The following ERAP1 variants were observed in gnomAD, a reference collection of about 807,000 sequenced individuals.
ERAP1 encodes the protein adipocyte-derived leucine aminopeptidase.
A neutral mutation model predicts 103.7 loss-of-function variants in ERAP1; 86 were observed. That is an observed-to-expected ratio of 0.83 (90% CI 0.70 to 0.99). ERAP1 has a LOEUF of 0.99. Among genes scored for constraint, ERAP1 ranks in the 50% least tolerant of loss-of-function variants. The probability of loss-of-function intolerance (pLI) is 0.00; values close to 1 mark genes in which losing one functional copy is unlikely to be tolerated. For synonymous variants in ERAP1, 398 were observed against 402.4 expected (o/e 0.99, Z 0.13); for missense variants, 1,009 against 1,128.4 (o/e 0.89, Z 1.52).
chr5:96,883,221 C>T, the ERAP1 span, among the ~76,000 whole-genome samples: 1 of 152,278 alleles, frequency 6.6e-6, no homozygotes, highest in South Asian at 2.1e-4. Flanking sequence ...CAGGCTGATG[C>T]TGGGACTTTG....
chr5:96,767,778 TA>T, intron 19 of ERAP1: 1 of 645,266 alleles, frequency 1.5e-6, no homozygotes, highest in Non-Finnish European at 2.8e-6. Flanking sequence ...ACATTATTAT[TA>T]ATAAAGAATG....
chr5:96,854,869 C>T, the ERAP1 span, among the ~76,000 whole-genome samples: 4 of 152,064 alleles, frequency 2.6e-5, no homozygotes, highest in Non-Finnish European at 5.9e-5. Context: ...CCAAGGGTAG[C>T]CTTTTTAATC....
At chr5:96,864,053 A>G in the ERAP1 span, among the ~76,000 whole-genome samples, 3 of 152,288 alleles carry the variant, frequency 2.0e-5, no homozygotes, top group Non-Finnish European at 2.9e-5. Context: ...GATGTTTCTA[A>G]AGGTGGGTAC....
chr5:96,905,940 T>C, the ERAP1 span, among the ~76,000 whole-genome samples: 1 of 119,328 alleles, frequency 8.4e-6, no homozygotes, highest in Non-Finnish European at 1.7e-5. Flanking sequence ...TTTTTTTCTT[T>C]TTAATTTTTT....
In ERAP1 at chr5:96,803,707, G is replaced by C; in HGVS notation, c.220C>G (p.Leu74Val). 6.2e-7 allele frequency: 1 copy of C among 1,614,222 alleles called. No homozygotes were observed. Among genetic ancestry groups the C allele is most frequent in the Non-Finnish European group, 8.5e-7 (1 of 1,180,042 alleles). Residue 74 changes from leucine (L) to valine (V), a missense_variant, in exon 2 of 19, where the codon CTG (leucine) becomes GTG (valine). Physicochemically the swap from Leu to Val is conservative, Grantham distance 32. Around this residue, in one of 3 missense-constraint regions of ERAP1, gnomAD observed 392 missense variants for 455.2 expected, o/e 0.86. Transcript: ENST00000443439. ...ACTTTCGTGGTTCCCCAGAAGGTCA[G>C]CGTGGTAAGGTTTGCATGGATCAAG... ...DLLIHANLTT[L>V]TFWGTTKVEI...
chr5:96,931,988 A>G, the ERAP1 span, among the ~76,000 whole-genome samples: 9 of 152,242 alleles, frequency 5.9e-5, no homozygotes, highest in Admixed American at 5.9e-4. Context: ...AGGAATCTGA[A>G]CTAGTATATC....
At chr5:96,856,694 G>T in the ERAP1 span, among the ~76,000 whole-genome samples, 3 of 152,146 alleles carry the variant, frequency 2.0e-5, no homozygotes, top group East Asian at 5.8e-4. Flanking sequence ...TCCCTGACTG[G>T]CCCCTGCAAT....
At chr5:96,898,424 T>A in the ERAP1 span, among the ~76,000 whole-genome samples, 1 of 151,898 alleles carries the variant, frequency 6.6e-6, no homozygotes, top group African/African-American at 2.4e-5. Context: ...TGAGACATAT[T>A]CAAATACATA....
the ERAP1 span, among the ~76,000 whole-genome samples, chr5:96,829,095 C>G: frequency 2.6e-5 from 4 of 152,236 alleles, no homozygotes; most frequent in African/African-American, 4.8e-5. Context: ...ATCCGCCCGC[C>G]TCGGCCTCCC....
At chr5:96,922,407 C>T in the ERAP1 span, among the ~76,000 whole-genome samples, 1 of 152,180 alleles carries the variant, frequency 6.6e-6, no homozygotes, top group African/African-American at 2.4e-5. Flanking sequence ...AGAAAGAACA[C>T]TCTTTTAAAA....
At position 96,774,956 on chromosome 5, in the gene ERAP1, C is replaced by CCTT. The variant is rs35416079; in HGVS notation, c.*1437_*1439dup. ...ATATTCCCTTATCTTGAAGTTTTTGCCTTATATTCAAAAAGTTCAGTTTGA... is the reference window on the plus strand; with the variant it reads ...ATATTCCCTTATCTTGAAGTTTTTGCCTTCTTATATTCAAAAAGTTCAGTTTGA... On this transcript the variant is annotated 3_prime_UTR_variant, in exon 19 of 19. Coordinates refer to ENST00000443439, the MANE Select transcript of ERAP1 (RefSeq NM_001040458.3). 114,932 of 985,144 alleles carry CCTT rather than the reference C, an allele frequency of 0.12. 7,116 individuals are homozygous for CCTT. The highest frequency in any genetic ancestry group is 0.13 in the Middle Eastern group (248 of 1,914). 61.0% of individuals were successfully genotyped at this position (985,144 alleles called of 1,614,324 possible).
chr5:96,873,006 T>C, the ERAP1 span, among the ~76,000 whole-genome samples: 3 of 152,106 alleles, frequency 2.0e-5, no homozygotes, highest in Non-Finnish European at 4.4e-5. Flanking sequence ...CTGACCAACA[T>C]GGTGAAACCC....
At chr5:96,913,399 A>AT in the ERAP1 span, 1 of 1,614,158 alleles carries the variant, frequency 6.2e-7, no homozygotes, top group South Asian at 1.1e-5. Context: ...CAGACGTCCA[A>AT]AGGGGCAGCA....
At chr5:96,896,353 A>G in the ERAP1 span, 1 of 1,592,376 alleles carries the variant, frequency 6.3e-7, no homozygotes, top group Non-Finnish European at 8.6e-7. Context: ...CTAAAACTAA[A>G]CATTTTTCTC....
the ERAP1 span, chr5:96,895,392 G>T: frequency 7.4e-7 from 1 of 1,347,502 alleles, no homozygotes. Flanking sequence ...CATACTATAT[G>T]GTGTAAAGAA....
At chr5:96,876,145 A>G in the ERAP1 span, 3 of 152,654 alleles carry the variant, frequency 2.0e-5, no homozygotes, top group African/African-American at 7.2e-5. Flanking sequence ...ATTTCATAGC[A>G]CTGAGGATGC....
chr5:96,856,023 A>C, the ERAP1 span, among the ~76,000 whole-genome samples: 1 of 151,886 alleles, frequency 6.6e-6, no homozygotes, highest in South Asian at 2.1e-4. Flanking sequence ...CTTTCCTATA[A>C]ATATATTTTG....
the ERAP1 span, among the ~76,000 whole-genome samples, chr5:96,922,899 C>T: frequency 3.4e-4 from 52 of 152,332 alleles, 1 homozygote; most frequent in Admixed American, 9.8e-4. Flanking sequence ...TTAGGTAGGA[C>T]GAGCATATTA....
the ERAP1 span, among the ~76,000 whole-genome samples, chr5:96,922,500 C>T: frequency 6.6e-6 from 1 of 152,104 alleles, no homozygotes; most frequent in Non-Finnish European, 1.5e-5. Flanking sequence ...CTATTCATAT[C>T]TTCAGATGTA....
Sources: allele counts gnomAD v4.1 joint callset (sites outside exome capture counted in the v4.1 genomes callset), GRCh38; gene constraint gnomAD v4.1.1; regional missense constraint gnomAD v4.1.1; transcripts MANE v1.5; gene names NCBI Gene and HGNC (gene_info 2026-07-23, HGNC 2026-07-21).